Variants in ARID3A observed in about 807,000 individuals in gnomAD.
ARID3A encodes the protein AT-rich interaction domain 3A.
In ARID3A, 11 loss-of-function variants were observed where a neutral mutation model predicts 52.7. The ratio of observed to expected loss-of-function variants is 0.21; its 90% CI spans 0.13 to 0.35. ARID3A has a LOEUF of 0.35. Among genes scored for constraint, ARID3A ranks in the 10% least tolerant of loss-of-function variants. The pLI is 1.00. For missense variants in ARID3A, 721 were observed against 838.5 expected (o/e 0.86, Z 1.73); for synonymous variants, 404 against 359.4 (o/e 1.12, Z -1.40).
chr19:932,787 G>A (rs1305480841), intron 3 of ARID3A, 45 bp downstream of exon 3: 1 of 1,544,016 alleles, frequency 6.5e-7, no homozygotes, highest in Admixed American at 2.0e-5. Context: ...CCTGCTCCTG[G>A]GCCAGTGGGG....
chr19:970,005 T>A (rs930975586), intron 8 of ARID3A, among the ~76,000 whole-genome samples: 5 of 151,946 alleles, frequency 3.3e-5, no homozygotes, highest in Non-Finnish European at 5.9e-5. Context: ...TATATACATA[T>A]TTTTTTAAAT....
intron 6 of ARID3A, among the ~76,000 whole-genome samples, chr19:966,254 G>A (rs1382779218): frequency 1.1e-4 from 16 of 151,612 alleles, no homozygotes; most frequent in African/African-American, 3.6e-4. Flanking sequence ...GAGGTCAGGA[G>A]TTCAAGACCA....
At chr19:957,290 G>T (rs1011992133) in intron 3 of ARID3A, among the ~76,000 whole-genome samples, 1 of 152,186 alleles carries the variant, frequency 6.6e-6, no homozygotes, top group African/African-American at 2.4e-5. Context: ...CTCCAGGTGC[G>T]GGGAAGCCAG....
chr19:930,398 A>G (rs1051179389), intron 2 of ARID3A, among the ~76,000 whole-genome samples: 12 of 150,532 alleles, frequency 8.0e-5, no homozygotes, highest in African/African-American at 2.9e-4. Flanking sequence ...CTAAAAATAC[A>G]AAAATTAGCC....
intron 2 of ARID3A, among the ~76,000 whole-genome samples, chr19:931,158 G>T (rs555664693): frequency 6.6e-6 from 1 of 152,192 alleles, no homozygotes; most frequent in African/African-American, 2.4e-5. Context: ...GTCGGGTGTT[G>T]TGGCATGCAT....
At chr19:950,464 C>T (rs1409734968) in intron 3 of ARID3A, among the ~76,000 whole-genome samples, 1 of 152,156 alleles carries the variant, frequency 6.6e-6, no homozygotes, top group Non-Finnish European at 1.5e-5. Context: ...TAGCACAGGC[C>T]GCCTGCTGCT....
At position 959,780 on chromosome 19, in the gene ARID3A, A is replaced by C. The variant is rs2038001123; in HGVS notation, c.694-312A>C. ...CAGAGACTGGAGCGCTGCGGCCACA[A>C]GCCAGGACGCACCTTGATCTGGGGT... On this transcript the variant is annotated intron_variant, in intron 3 of 8. Transcript: ENST00000263620. This position sits in a 1 kb window ranked among gnomAD's most constrained non-coding sequence, Gnocchi z 5.0. Among the ~76,000 whole-genome samples the C allele has an allele frequency of 6.6e-6, 1 of 152,122 alleles. No homozygotes were observed. Among genetic ancestry groups the C allele is most frequent in the South Asian group, 2.1e-4 (1 of 4,830 alleles).
intron 1 of ARID3A, among the ~76,000 whole-genome samples, chr19:926,261 C>T (rs749655524): frequency 2.8e-5 from 4 of 140,458 alleles, no homozygotes; most frequent in African/African-American, 9.8e-5. Flanking sequence ...GGGCGCAGTG[C>T]GTCCTGGAAG....
chr19:946,247 C>T (rs544592464), intron 3 of ARID3A, among the ~76,000 whole-genome samples: 14 of 151,824 alleles, frequency 9.2e-5, no homozygotes, highest in Non-Finnish European at 1.9e-4. Context: ...TTTACTTTTT[C>T]CTTTTTATTT....
chr19:943,677 C>T (rs1026112663), intron 3 of ARID3A, among the ~76,000 whole-genome samples: 2 of 152,204 alleles, frequency 1.3e-5, no homozygotes, highest in Non-Finnish European at 2.9e-5. Context: ...GCCAAGGACA[C>T]CTGGAGCCCC....
Position 960,048 on chromosome 19 carries a change from T to G in ARID3A, c.694-44T>G. On this transcript the variant is annotated intron_variant, in intron 3 of 8. Transcript: ENST00000263620. The surrounding 1 kb of genome is among the most constrained non-coding windows in gnomAD (Gnocchi z 4.3). ...GCAGGAGGGACATGGTTCCCACACC[T>G]GAGCTCTGGCACCAACTAACCCATC... 4 of 1,561,586 alleles carry G rather than the reference T, an allele frequency of 2.6e-6. No individual in the cohort carries two copies. Among genetic ancestry groups the G allele is most frequent in the Non-Finnish European group, 2.6e-6 (3 of 1,137,016 alleles).
intron 3 of ARID3A, among the ~76,000 whole-genome samples, chr19:936,617 C>T (rs986728661): frequency 6.6e-6 from 1 of 152,022 alleles, no homozygotes; most frequent in Admixed American, 6.6e-5. Context: ...CCGGGGCAGG[C>T]GGATCACGAG....
At chr19:970,953 T>C (rs2038266313) in intron 8 of ARID3A, among the ~76,000 whole-genome samples, 1 of 152,088 alleles carries the variant, frequency 6.6e-6, no homozygotes, top group Non-Finnish European at 1.5e-5. Context: ...GTCCGTGCCC[T>C]CCGGAAATCA....
At chr19:954,245 G>C (rs1355551573) in intron 3 of ARID3A, among the ~76,000 whole-genome samples, 3 of 152,202 alleles carry the variant, frequency 2.0e-5, no homozygotes, top group Admixed American at 6.5e-5. Context: ...GGACCTGGAG[G>C]TGGCTTGGCT....
At chr19:943,437 G>A (rs1485000074) in intron 3 of ARID3A, among the ~76,000 whole-genome samples, 1 of 151,864 alleles carries the variant, frequency 6.6e-6, no homozygotes, top group African/African-American at 2.4e-5. Context: ...GCGTGGTGGC[G>A]GGTGCCTGTA....
rs1359368713 is a variant in ARID3A, at chr19:929,517, G to C, written c.-12G>C. ...TGGTGGTGGTGGTGGTGGTGGCCCG[G>C]GCCGCAGGGCCATGAAACTACAGGC... On this transcript the variant is annotated 5_prime_UTR_variant, in exon 2 of 9. Coordinates refer to ENST00000263620, the MANE Select transcript of ARID3A (RefSeq NM_005224.3). This position sits in a 1 kb window ranked among gnomAD's most constrained non-coding sequence, Gnocchi z 6.2. 1 of 1,500,650 alleles carries C rather than the reference G, an allele frequency of 6.7e-7. No homozygotes were observed. The highest frequency in any genetic ancestry group is 2.7e-5 in the East Asian group (1 of 36,898). The allele number at this position is 1,500,650 out of a possible 1,614,324, so 93.0% of individuals were successfully genotyped here. A position where few individuals can be genotyped will look rare whatever the true frequency, so the allele number is the denominator to read the frequency against.
chr19:949,513 T>C (rs1166551201), intron 3 of ARID3A, among the ~76,000 whole-genome samples: 1 of 152,046 alleles, frequency 6.6e-6, no homozygotes, highest in Admixed American at 6.5e-5. Flanking sequence ...ACGGCCTCTT[T>C]CTTTTCCTTC....
intron 2 of ARID3A, 62 bp from the exon 3 acceptor site, chr19:932,356 T>C: frequency 6.4e-7 from 1 of 1,563,514 alleles, no homozygotes. Flanking sequence ...GGAGTGGGTC[T>C]TTCCTTGGGC....
intron 1 of ARID3A, chr19:928,517 G>A (rs1245461327): frequency 6.6e-6 from 1 of 152,096 alleles, no homozygotes; most frequent in Non-Finnish European, 1.5e-5. Context: ...CTGCGTGGGA[G>A]GCTCTGTGGT....
Sources: allele counts gnomAD v4.1 joint callset (sites outside exome capture counted in the v4.1 genomes callset), GRCh38; gene constraint gnomAD v4.1.1; non-coding constraint Gnocchi (gnomAD v3.1); transcripts MANE v1.5; gene names NCBI Gene and HGNC (gene_info 2026-07-23, HGNC 2026-07-21).